The following ZNF704 variants were observed in gnomAD, a reference collection of about 807,000 sequenced individuals.
ZNF704 encodes the protein zinc finger protein 704.
Under a neutral mutation model 44.7 loss-of-function variants are expected in ZNF704, and 10 were observed. That is an observed-to-expected ratio of 0.22 (90% CI 0.14 to 0.38). ZNF704 has a LOEUF of 0.38. ZNF704 is among the 10% of genes least tolerant of loss of function. ZNF704 has a pLI of 1.00. For synonymous variants in ZNF704, 211 were observed against 207.6 expected (o/e 1.02, Z -0.14); for missense variants, 390 against 545.5 (o/e 0.71, Z 2.84).
At chr8:80,860,340 C>A (rs1809038309) in intron 1 of ZNF704, among the ~76,000 whole-genome samples, 1 of 152,190 alleles carries the variant, frequency 6.6e-6, no homozygotes, top group Non-Finnish European at 1.5e-5. Flanking sequence ...ATAGAACACA[C>A]TGGGTGATGT....
chr8:80,814,876 C>T (rs1293024269), intron 2 of ZNF704, among the ~76,000 whole-genome samples: 2 of 152,020 alleles, frequency 1.3e-5, no homozygotes, highest in South Asian at 2.1e-4. Context: ...ATAAAAGATA[C>T]CATTTTTGTC....
At chr8:80,696,104 A>G (rs1277639524) in intron 2 of ZNF704, among the ~76,000 whole-genome samples, 2 of 152,232 alleles carry the variant, frequency 1.3e-5, no homozygotes, top group African/African-American at 4.8e-5. Context: ...ATAATTAAAC[A>G]TGAAGAGATG....
chr8:80,796,488 A>G (rs944505176), intron 2 of ZNF704, among the ~76,000 whole-genome samples: 3 of 152,228 alleles, frequency 2.0e-5, no homozygotes. Flanking sequence ...ACATGAGGGA[A>G]CAAACATTCA....
the ZNF704 span, among the ~76,000 whole-genome samples, chr8:80,881,836 G>A: frequency 5.3e-5 from 8 of 152,150 alleles, no homozygotes; most frequent in Non-Finnish European, 1.0e-4. Context: ...GCTGAGGCAG[G>A]AGAATCACTT....
intron 2 of ZNF704, among the ~76,000 whole-genome samples, chr8:80,771,787 A>C (rs1807324329): frequency 6.6e-6 from 1 of 152,194 alleles, no homozygotes; most frequent in South Asian, 2.1e-4. Flanking sequence ...TTCCAATCAT[A>C]TAGGAAAAGC....
intron 2 of ZNF704, among the ~76,000 whole-genome samples, chr8:80,805,213 C>T (rs1376583803): frequency 1.3e-5 from 2 of 152,114 alleles, no homozygotes; most frequent in Non-Finnish European, 2.9e-5. Context: ...ATTATTATTG[C>T]CTTTTAAGTA....
chr8:80,784,063 C>T (rs1026181401), intron 2 of ZNF704, among the ~76,000 whole-genome samples: 1 of 152,126 alleles, frequency 6.6e-6, no homozygotes, highest in African/African-American at 2.4e-5. Context: ...GCTGAGCACC[C>T]TCTGTCCTCA....
At chr8:80,724,561 C>T (rs575626097) in intron 2 of ZNF704, among the ~76,000 whole-genome samples, 1 of 152,232 alleles carries the variant, frequency 6.6e-6, no homozygotes, top group African/African-American at 2.4e-5. Context: ...TCTCTCCAGT[C>T]CAGACCTTCT....
chr8:80,776,220 A>T (rs997037565), intron 2 of ZNF704, among the ~76,000 whole-genome samples: 2 of 152,302 alleles, frequency 1.3e-5, no homozygotes, highest in Admixed American at 6.5e-5. Flanking sequence ...TTACTTAAGC[A>T]AGAGACCCTG....
chr8:80,849,697 T>C (rs1303489757), intron 1 of ZNF704, among the ~76,000 whole-genome samples: 1 of 152,228 alleles, frequency 6.6e-6, no homozygotes, highest in African/African-American at 2.4e-5. Context: ...TAAGAAAGAA[T>C]ATCATTTGGA....
chr8:80,857,779 G>A (rs1449185121), intron 1 of ZNF704, among the ~76,000 whole-genome samples: 3 of 152,074 alleles, frequency 2.0e-5, no homozygotes, highest in Non-Finnish European at 4.4e-5. Context: ...AAAGATTTTT[G>A]TAAGATTGGT....
At chr8:80,766,658 T>C (rs1019011550) in intron 2 of ZNF704, among the ~76,000 whole-genome samples, 1 of 152,208 alleles carries the variant, frequency 6.6e-6, no homozygotes, top group Non-Finnish European at 1.5e-5. Context: ...CTGACTTCTG[T>C]ATCACAGAAT....
chr8:80,803,832 T>C (rs1298473395), intron 2 of ZNF704, among the ~76,000 whole-genome samples: 1 of 151,986 alleles, frequency 6.6e-6, no homozygotes, highest in Non-Finnish European at 1.5e-5. Context: ...AATTGACAAA[T>C]GGGATCTAAT....
intron 6 of ZNF704, among the ~76,000 whole-genome samples, chr8:80,662,162 T>C (rs1030937754): frequency 3.9e-5 from 6 of 152,014 alleles, no homozygotes; most frequent in African/African-American, 1.4e-4. Context: ...AAAAATAAAA[T>C]ACAGTAAAAA....
At chr8:80,754,905 C>T (rs1294752078) in intron 2 of ZNF704, among the ~76,000 whole-genome samples, 1 of 152,236 alleles carries the variant, frequency 6.6e-6, no homozygotes, top group Non-Finnish European at 1.5e-5. Context: ...AGAGACTTTG[C>T]TGTTTAAGTC....
chr8:80,649,784 A>G (rs1585921854), intron 7 of ZNF704, among the ~76,000 whole-genome samples: 1 of 152,326 alleles, frequency 6.6e-6, no homozygotes, highest in East Asian at 1.9e-4. Context: ...GCAGACTTAA[A>G]TGTCCCTGTC....
intron 1 of ZNF704, chr8:80,873,395 C>G (rs1809291541): frequency 6.6e-6 from 1 of 151,564 alleles, no homozygotes; most frequent in East Asian, 2.0e-4. Context: ...CCCCGCGCGG[C>G]CGCCCGCGCC....
At chr8:80,672,593 A>T (rs1448024952) in intron 4 of ZNF704, among the ~76,000 whole-genome samples, 1 of 152,230 alleles carries the variant, frequency 6.6e-6, no homozygotes, top group African/African-American at 2.4e-5. Flanking sequence ...AAAAAGAATG[A>T]AATTATGTCC....
chr8:80,767,222 C>T (rs1182424140), intron 2 of ZNF704, among the ~76,000 whole-genome samples: 1 of 151,916 alleles, frequency 6.6e-6, no homozygotes, highest in Non-Finnish European at 1.5e-5. Flanking sequence ...ACAAATCTGT[C>T]ATCTTTCAAA....
Sources: gnomAD v4.1 joint callset for allele counts (sites outside exome capture counted in the v4.1 genomes callset) on GRCh38, gnomAD v4.1.1 for gene constraint, MANE v1.5 for transcripts, NCBI Gene and HGNC (gene_info 2026-07-23, HGNC 2026-07-21) for gene names.